The following WWP1 variants were observed in gnomAD, a reference collection of about 807,000 sequenced individuals.
WWP1 encodes WW domain containing E3 ubiquitin protein ligase 1, also known as NEDD4-like E3 ubiquitin-protein ligase WWP1.
In WWP1, 49 loss-of-function variants were observed where a neutral mutation model predicts 130.6. That is an observed-to-expected ratio of 0.38 (90% CI 0.30 to 0.48). The LOEUF is 0.48. WWP1 is among the 20% of genes least tolerant of loss of function. The pLI is 0.99. For synonymous variants in WWP1, 332 were observed against 367.8 expected (o/e 0.90, Z 1.11); for missense variants, 809 against 1,100.6 (o/e 0.74, Z 3.75).
chr8:86,374,913 A>G (rs552332125), intron 3 of WWP1, among the ~76,000 whole-genome samples: 9 of 152,208 alleles, frequency 5.9e-5, no homozygotes, highest in Admixed American at 3.9e-4. Flanking sequence ...GGGTCTCACT[A>G]TGTTGCCCAC....
chr8:86,387,574 G>A (rs1274764851), intron 5 of WWP1, among the ~76,000 whole-genome samples: 2 of 151,970 alleles, frequency 1.3e-5, no homozygotes, highest in East Asian at 1.9e-4. Context: ...GTGCAGGGGT[G>A]CAGTCTCGGC....
chr8:86,414,408 T>C (rs566181417), intron 9 of WWP1, among the ~76,000 whole-genome samples: 141 of 152,228 alleles, frequency 9.3e-4, no homozygotes, highest in African/African-American at 3.2e-3. Flanking sequence ...GTGAGGTAAA[T>C]GCTAATATTT....
intron 17 of WWP1, among the ~76,000 whole-genome samples, chr8:86,438,882 A>T (rs1810439731): frequency 6.6e-6 from 1 of 152,142 alleles, no homozygotes; most frequent in Non-Finnish European, 1.5e-5. Flanking sequence ...AAATTTGTAT[A>T]TATGTGTAAT....
At chr8:86,448,832 T>C (rs1187904284) in intron 20 of WWP1, among the ~76,000 whole-genome samples, 1 of 152,080 alleles carries the variant, frequency 6.6e-6, no homozygotes, top group Non-Finnish European at 1.5e-5. Context: ...CTTTACATTC[T>C]CTTGTTTTAA....
intron 9 of WWP1, among the ~76,000 whole-genome samples, chr8:86,413,206 C>A (rs938760488): frequency 2.6e-5 from 4 of 152,146 alleles, no homozygotes; most frequent in East Asian, 1.9e-4. Context: ...ACTTTTCCCT[C>A]TTCTGTTTCC....
chr8:86,383,565 G>C (rs189488432), intron 5 of WWP1, among the ~76,000 whole-genome samples: 70 of 152,084 alleles, frequency 4.6e-4, no homozygotes, highest in African/African-American at 1.6e-3. Flanking sequence ...AACATGGTGA[G>C]ACCCTGTGTC....
At chr8:86,429,851 A>G (rs1452725805) in intron 11 of WWP1, among the ~76,000 whole-genome samples, 3 of 152,196 alleles carry the variant, frequency 2.0e-5, no homozygotes, top group Non-Finnish European at 4.4e-5. Flanking sequence ...TCATTTTCGA[A>G]AAACTAATAA....
Position 86,342,710 on chromosome 8 carries a change from G to T in WWP1, c.-335G>T. On this transcript the variant is annotated 5_prime_UTR_variant, in exon 1 of 25. Coordinates refer to ENST00000517970, the MANE Select transcript of WWP1 (RefSeq NM_007013.4). Reference sequence around the variant, plus strand: ...TCGGCTGGGGGTGGCGCGTGGACGGGGTGGGGGTGGGGGGAGGGTCGGGTG... The same window carrying T: ...TCGGCTGGGGGTGGCGCGTGGACGGTGTGGGGGTGGGGGGAGGGTCGGGTG... 3.0e-6 allele frequency: 1 copy of T among 334,344 alleles called. No individual in the cohort carries two copies. Among genetic ancestry groups the T allele is most frequent in the Non-Finnish European group, 5.4e-6 (1 of 186,250 alleles). The allele number at this position is 334,344 out of a possible 1,614,324, so 20.7% of individuals were successfully genotyped here.
chr8:86,423,820 C>CACCTCCCGGACGGGGCGGCGGCTGGG, intron 9 of WWP1, among the ~76,000 whole-genome samples: 1 of 147,226 alleles, frequency 6.8e-6, no homozygotes, highest in South Asian at 2.2e-4. Flanking sequence ...CGCCCCCCCC[C>CACCTCCCGGACGGGGCGGCGGCTGGG]CACCTCCCGG....
intron 5 of WWP1, among the ~76,000 whole-genome samples, chr8:86,391,006 T>G (rs1807303773): frequency 6.6e-6 from 1 of 152,184 alleles, no homozygotes; most frequent in Non-Finnish European, 1.5e-5. Flanking sequence ...ATTTTCTATT[T>G]TTGAAGTTTT....
At chr8:86,449,219 T>C (rs1811046126) in intron 20 of WWP1, among the ~76,000 whole-genome samples, 1 of 152,248 alleles carries the variant, frequency 6.6e-6, no homozygotes, top group Admixed American at 6.5e-5. Flanking sequence ...TTCAACCTGC[T>C]TCTCTAAATA....
chr8:86,457,218 A>G (rs1035981421), intron 21 of WWP1, among the ~76,000 whole-genome samples: 3 of 152,004 alleles, frequency 2.0e-5, no homozygotes, highest in African/African-American at 7.2e-5. Flanking sequence ...CATTTCATAC[A>G]TAAGTTGAGG....
chr8:86,436,857 G>A (rs1200794267), intron 16 of WWP1, among the ~76,000 whole-genome samples: 2 of 152,046 alleles, frequency 1.3e-5, no homozygotes, highest in African/African-American at 4.8e-5. Context: ...AGCCAAAATG[G>A]AGTAATGATA....
intron 2 of WWP1, among the ~76,000 whole-genome samples, chr8:86,370,796 CTACT>C (rs1236408659): frequency 6.9e-6 from 1 of 143,990 alleles, no homozygotes; most frequent in African/African-American, 2.6e-5. Flanking sequence ...TTTTTCTTTT[CTACT>C]TACTTGTTCT....
intron 1 of WWP1, among the ~76,000 whole-genome samples, chr8:86,364,723 A>G (rs570246163): frequency 7.9e-5 from 12 of 151,798 alleles, no homozygotes; most frequent in African/African-American, 2.9e-4. Context: ...GGAGGATAGC[A>G]GGAGTCCAAT....
At chr8:86,374,934 A>T (rs1824543336) in intron 3 of WWP1, among the ~76,000 whole-genome samples, 1 of 151,938 alleles carries the variant, frequency 6.6e-6, no homozygotes, top group African/African-American at 2.4e-5. Context: ...GCTGGTCTTG[A>T]ACTCTTTGTT....
chr8:86,388,953 G>T (rs2130417187), intron 5 of WWP1, among the ~76,000 whole-genome samples: 1 of 152,028 alleles, frequency 6.6e-6, no homozygotes, highest in East Asian at 1.9e-4. Flanking sequence ...TGACTTTGTT[G>T]TTTTGATATG....
chr8:86,344,760 A>G (rs1279092375), intron 1 of WWP1, among the ~76,000 whole-genome samples: 2 of 152,068 alleles, frequency 1.3e-5, no homozygotes, highest in East Asian at 1.9e-4. Context: ...GCAGAGAGGT[A>G]TCTCTAAGAG....
intron 5 of WWP1, among the ~76,000 whole-genome samples, chr8:86,390,246 G>A (rs60163902): frequency 0.35 from 51,959 of 150,030 alleles, 10,372 homozygotes; most frequent in African/African-American, 0.56. Flanking sequence ...TCACATCCCA[G>A]ACGACGGGCG....
Sources: allele counts gnomAD v4.1 joint callset (sites outside exome capture counted in the v4.1 genomes callset), GRCh38; gene constraint gnomAD v4.1.1; transcripts MANE v1.5; gene names NCBI Gene and HGNC (gene_info 2026-07-23, HGNC 2026-07-21).